The following BLM variants were observed in gnomAD, a reference collection of about 807,000 sequenced individuals.
BLM encodes BLM RecQ like helicase.
Under a neutral mutation model 135.3 loss-of-function variants are expected in BLM, and 95 were observed. That is an observed-to-expected ratio of 0.70 (90% CI 0.59 to 0.83). The LOEUF (loss-of-function observed/expected upper bound fraction) is 0.83, where lower values mean the gene tolerates loss of function less well. BLM is among the 40% of genes least tolerant of loss of function. The pLI is 0.00. For missense variants in BLM, 1,518 were observed against 1,663.9 expected, an observed-to-expected ratio of 0.91 and a Z score of 1.53; for synonymous variants, 520 against 589.2, an observed-to-expected ratio of 0.88 and a Z score of 1.70.
At position 90,754,304 on chromosome 15, in the gene BLM, G is replaced by A. The variant is rs1895759214; in HGVS notation, c.960-507G>A. Reference sequence around the variant, plus strand: ...GTTTTTGTATAATCTGTGTGGTGAGGTAATTATATATGCAGACACACAAAA... The same window carrying A: ...GTTTTTGTATAATCTGTGTGGTGAGATAATTATATATGCAGACACACAAAA... On this transcript the variant is annotated intron_variant, in intron 4 of 21. Transcript: ENST00000355112. Among the ~76,000 whole-genome samples the A allele has an allele frequency of 2.6e-5, 4 of 152,158 alleles. No individual in the cohort carries two copies. The South Asian group carries it at 8.3e-4, about 31-fold the overall frequency.
chr15:90,813,550 C>T (rs567253674), intron 21 of BLM, among the ~76,000 whole-genome samples: 1 of 152,108 alleles, frequency 6.6e-6, no homozygotes, highest in African/African-American at 2.4e-5. Context: ...CACGCCACCA[C>T]GCTGGGCTAA....
intron 1 of BLM, among the ~76,000 whole-genome samples, chr15:90,723,191 C>T (rs545785603): frequency 6.6e-6 from 1 of 152,120 alleles, no homozygotes; most frequent in South Asian, 2.1e-4. Flanking sequence ...CATAGTTTGC[C>T]CTGATCTATA....
intron 15 of BLM, chr15:90,793,769 G>T: frequency 6.4e-6 from 1 of 156,334 alleles, no homozygotes. Context: ...CGGGCTTGTT[G>T]GCACACAATT....
chr15:90,769,299 G>GT (rs1208012699), intron 11 of BLM, 68 bp downstream of exon 11: 6 of 1,542,568 alleles, frequency 3.9e-6, no homozygotes, highest in Non-Finnish European at 5.4e-6. Flanking sequence ...TGTATTTACT[G>GT]AATAAAAACC....
At chr15:90,793,638 A>G (rs1373945243) in intron 15 of BLM, among the ~76,000 whole-genome samples, 1 of 152,242 alleles carries the variant, frequency 6.6e-6, no homozygotes. Flanking sequence ...AGCACAATCT[A>G]ATGTTAATAC....
chr15:90,734,607 T>C (rs1895152811), intron 1 of BLM, among the ~76,000 whole-genome samples: 1 of 151,628 alleles, frequency 6.6e-6, no homozygotes, highest in African/African-American at 2.4e-5. Context: ...TTCTTAATGA[T>C]GGTATTCTCT....
At chr15:90,795,174 T>C (rs1185801199) in intron 16 of BLM, among the ~76,000 whole-genome samples, 1 of 152,190 alleles carries the variant, frequency 6.6e-6, no homozygotes. Flanking sequence ...GACATACATG[T>C]GTTCATAGAA....
rs878919860 is a variant in BLM, at chr15:90,761,174, T to C, written c.1801T>C (p.Ser601Pro). The C allele has an allele frequency of 6.5e-7, 1 of 1,530,068 alleles. No homozygotes were observed. The highest frequency in any genetic ancestry group is 8.7e-7 in the Non-Finnish European group (1 of 1,143,668). The allele number at this position is 1,530,068 out of a possible 1,614,324, so 94.8% of individuals were successfully genotyped here. ...RPIKSVSERLSSAKTDCLPVS... is the reference protein window; with the variant it reads ...RPIKSVSERLPSAKTDCLPVS... The stretch of plus-strand genomic sequence containing the variant: ...AATTAAATCAGTATCAGAAAGACTT[T>C]CCTCAGCCAAGACAGACTGTCTTCC... The change falls in exon 7 of 22, where the codon TCC becomes CCC. Residue 601 changes from serine (S) to proline (P), a missense_variant. By Grantham distance (74) the Ser-to-Pro change is moderately conservative. Transcript: ENST00000355112.
At position 90,799,626 on chromosome 15, in the gene BLM, TAAAAAAAAA is replaced by T. The variant is rs10600094; in HGVS notation, c.3358+1306_3358+1314del. Among the ~76,000 whole-genome samples the T allele has an allele frequency of 4.4e-4, 48 of 108,716 alleles. No homozygotes were observed. In the East Asian group the frequency reaches 4.8e-3, roughly 11 times the overall value. The allele number at this position is 108,716 out of a possible 152,430, so 71.3% of individuals were successfully genotyped here. On this transcript the variant is annotated intron_variant, in intron 17 of 21. Coordinates refer to ENST00000355112, the MANE Select transcript of BLM (RefSeq NM_000057.4). Reference sequence around the variant, plus strand: ...CACTGAATGCCAAATAAGATGCCTGTAAAAAAAAAAAAAAAAAAAAAAAAATTAAGACAT... The same window carrying T: ...CACTGAATGCCAAATAAGATGCCTGTAAAAAAAAAAAAAAAATTAAGACAT...
At chr15:90,785,126 A>G (rs1256395907) in intron 14 of BLM, 45 bp downstream of exon 14, 2 of 1,565,616 alleles carry the variant, frequency 1.3e-6, no homozygotes, top group Non-Finnish European at 8.7e-7. Context: ...AATCTTTTAT[A>G]GCATATAACC....
chr15:90,750,884 C>A (rs1895664468), intron 3 of BLM, among the ~76,000 whole-genome samples: 1 of 152,110 alleles, frequency 6.6e-6, no homozygotes. Context: ...TTCAGGCATC[C>A]ACCGGGGTCT....
At chr15:90,800,437 C>G (rs28414592) in intron 17 of BLM, among the ~76,000 whole-genome samples, 1 of 152,148 alleles carries the variant, frequency 6.6e-6, no homozygotes, top group Non-Finnish European at 1.5e-5. Context: ...AATCCCAGCA[C>G]TTTGGGAGGC....
intron 14 of BLM, among the ~76,000 whole-genome samples, chr15:90,785,501 A>G (rs1201500464): frequency 6.6e-6 from 1 of 151,480 alleles, no homozygotes; most frequent in Non-Finnish European, 1.5e-5. Context: ...TGTACATTGC[A>G]TGTAAATAGA....
chr15:90,770,506 G>A (rs761053323), intron 12 of BLM, among the ~76,000 whole-genome samples: 2 of 152,116 alleles, frequency 1.3e-5, no homozygotes, highest in Non-Finnish European at 2.9e-5. Context: ...GGCTGTACTG[G>A]ATTATTTTAT....
At chr15:90,764,171 G>GT (rs1453139985) in intron 8 of BLM, among the ~76,000 whole-genome samples, 1 of 150,574 alleles carries the variant, frequency 6.6e-6, no homozygotes, top group East Asian at 1.9e-4. Context: ...GTCCTTTAGG[G>GT]TTTCAAGACG....
At chr15:90,779,862 C>T (rs545532729) in intron 12 of BLM, among the ~76,000 whole-genome samples, 1 of 152,278 alleles carries the variant, frequency 6.6e-6, no homozygotes, top group Non-Finnish European at 1.5e-5. Flanking sequence ...ATGAGGCCCT[C>T]CTACCAAGGA....
intron 20 of BLM, among the ~76,000 whole-genome samples, chr15:90,810,279 T>G (rs557695728): frequency 1.3e-5 from 2 of 152,292 alleles, no homozygotes; most frequent in African/African-American, 4.8e-5. Context: ...GGTCTTGAAC[T>G]TACGACCTCA....
intron 21 of BLM, among the ~76,000 whole-genome samples, chr15:90,814,690 G>A (rs1162690351): frequency 6.6e-6 from 1 of 152,158 alleles, no homozygotes; most frequent in Admixed American, 6.5e-5. Flanking sequence ...TCATTCCGGG[G>A]TGCCTGTCAG....
intron 1 of BLM, among the ~76,000 whole-genome samples, chr15:90,738,531 C>T (rs187619249): frequency 1.2e-4 from 19 of 152,130 alleles, no homozygotes; most frequent in African/African-American, 4.6e-4. Context: ...CTGTTGCACT[C>T]CAGCCTGGGT....
Sources: allele counts gnomAD v4.1 joint callset (sites outside exome capture counted in the v4.1 genomes callset), GRCh38; gene constraint gnomAD v4.1.1; transcripts MANE v1.5; gene names NCBI Gene and HGNC (gene_info 2026-07-23, HGNC 2026-07-21).